The following AUTS2 variants were observed in gnomAD, a reference collection of about 807,000 sequenced individuals.
The protein encoded by AUTS2 is autism susceptibility gene 2 protein.
Under a neutral mutation model 112.4 loss-of-function variants are expected in AUTS2, and 17 were observed. That is an observed-to-expected ratio of 0.15 (90% confidence interval 0.10 to 0.23). The LOEUF (loss-of-function observed/expected upper bound fraction) is 0.23, where lower values mean the gene tolerates loss of function less well. Among genes scored for constraint, AUTS2 ranks in the 10% least tolerant of loss-of-function variants. The probability of loss-of-function intolerance (pLI) is 1.00; values close to 1 mark genes in which losing one functional copy is unlikely to be tolerated. For missense variants in AUTS2, 1,510 were observed against 1,701.6 expected, an observed-to-expected ratio of 0.89 and a Z score of 1.98; for synonymous variants, 751 against 702.7, an observed-to-expected ratio of 1.07 and a Z score of -1.09.
intron 2 of AUTS2, among the ~76,000 whole-genome samples, chr7:69,978,713 G>A (rs924924600): frequency 6.6e-6 from 1 of 151,962 alleles, no homozygotes; most frequent in African/African-American, 2.4e-5. Context: ...GGGTGTAGTG[G>A]TATGTGTCTA....
rs1018179610 is a variant in AUTS2, at chr7:70,107,665, A to T, written c.523-10467A>T. On this transcript the variant is annotated intron_variant, in intron 2 of 18. Transcript: ENST00000342771. Reference sequence around the variant, plus strand: ...CCTCACAATTAAGTTTATAACAGGGATATGTTATGAACTTAATATGCTTGG... The same window carrying T: ...CCTCACAATTAAGTTTATAACAGGGTTATGTTATGAACTTAATATGCTTGG... Among the ~76,000 whole-genome samples, 8 of 149,958 alleles carry T rather than the reference A, an allele frequency of 5.3e-5. No homozygotes were observed. The East Asian group carries it at 1.2e-3, about 23-fold the overall frequency.
intron 14 of AUTS2, 114 bp downstream of exon 14, chr7:70,777,288 TAGGA>T: frequency 2.1e-6 from 2 of 939,728 alleles, no homozygotes; most frequent in Non-Finnish European, 3.4e-6. Flanking sequence ...GACCCATAGT[TAGGA>T]AGGATCAAGC....
At chr7:70,770,133 T>C (rs558161255) in intron 10 of AUTS2, among the ~76,000 whole-genome samples, 73 of 152,340 alleles carry the variant, frequency 4.8e-4, no homozygotes, top group African/African-American at 1.7e-3. Flanking sequence ...CAGTCTCCCC[T>C]GCTTTGGGGA....
At chr7:70,533,871 G>A in intron 5 of AUTS2, among the ~76,000 whole-genome samples, 1 of 152,204 alleles carries the variant, frequency 6.6e-6, no homozygotes, top group East Asian at 1.9e-4. Flanking sequence ...GGAGTGGCAG[G>A]CAAGCTTGGC....
rs58530021 is a variant in AUTS2 at position 69,986,271 on chromosome 7, A to G, written c.522+86773A>G. Among the ~76,000 whole-genome samples, 1,123 of 152,356 alleles carry G rather than the reference A, an allele frequency of 7.4e-3. 13 individuals are homozygous for G. Among genetic ancestry groups the G allele is most frequent in the East Asian group, 0.052 (272 of 5,186 alleles). ...ATCCCCAGCACCTAGTGCTATGCCT[A>G]GCAGTGAGTAAGAACATTAATATTT... On this transcript the variant is annotated intron_variant, in intron 2 of 18. Coordinates refer to ENST00000342771, the MANE Select transcript of AUTS2 (RefSeq NM_015570.4).
intron 4 of AUTS2, among the ~76,000 whole-genome samples, chr7:70,207,629 G>A (rs1810635459): frequency 6.6e-6 from 1 of 152,138 alleles, no homozygotes; most frequent in African/African-American, 2.4e-5. Flanking sequence ...GGAAATATGA[G>A]TGGTCCATAC....
intron 1 of AUTS2, among the ~76,000 whole-genome samples, chr7:69,799,716 G>A (rs148428787): frequency 6.6e-6 from 1 of 152,080 alleles, no homozygotes. Flanking sequence ...GTGGTTTTTT[G>A]ATTTGTAAAT....
chr7:70,111,581 T>G (rs771692621), intron 2 of AUTS2, among the ~76,000 whole-genome samples: 1 of 152,212 alleles, frequency 6.6e-6, no homozygotes, highest in South Asian at 2.1e-4. Context: ...TGAAAAATCC[T>G]GTTAGAACTT....
intron 1 of AUTS2, among the ~76,000 whole-genome samples, chr7:69,891,886 T>A (rs539994098): frequency 7.1e-6 from 1 of 141,660 alleles, no homozygotes; most frequent in South Asian, 2.4e-4. Context: ...CTTTGCCCTC[T>A]GGGTTCAAGC....
intron 5 of AUTS2, among the ~76,000 whole-genome samples, chr7:70,447,647 T>C (rs1796370321): frequency 6.6e-6 from 1 of 152,130 alleles, no homozygotes; most frequent in East Asian, 1.9e-4. Flanking sequence ...AGCTGGACTC[T>C]CCCACATGCC....
chr7:70,009,605 C>A (rs773263137), intron 2 of AUTS2, among the ~76,000 whole-genome samples: 8 of 152,296 alleles, frequency 5.3e-5, no homozygotes, highest in Non-Finnish European at 1.2e-4. Flanking sequence ...CTAAGTGCAG[C>A]TACCAATGAC....
chr7:70,492,744 C>G (rs1178286862), intron 5 of AUTS2, among the ~76,000 whole-genome samples: 2 of 152,124 alleles, frequency 1.3e-5, no homozygotes, highest in African/African-American at 4.8e-5. Flanking sequence ...ACGTGACCCC[C>G]TCTTGGCAAG....
intron 3 of AUTS2, among the ~76,000 whole-genome samples, chr7:70,132,164 TAAAAAA>T (rs200482728): frequency 3.9e-5 from 4 of 102,596 alleles, no homozygotes; most frequent in Admixed American, 3.2e-4. Flanking sequence ...TCTTTTCCCT[TAAAAAA>T]AAAAAAAAAA....
chr7:69,686,940 G>T (rs962023223), intron 1 of AUTS2, among the ~76,000 whole-genome samples: 6 of 152,130 alleles, frequency 3.9e-5, no homozygotes, highest in Non-Finnish European at 8.8e-5. Flanking sequence ...TATCCCATAA[G>T]CTTTAAAAAT....
chr7:70,059,266 G>A (rs1802134549), intron 2 of AUTS2, among the ~76,000 whole-genome samples: 1 of 152,122 alleles, frequency 6.6e-6, no homozygotes, highest in South Asian at 2.1e-4. Context: ...TATATATGTA[G>A]CCTTTCAGAT....
chr7:69,805,738 C>T (rs1450393770), intron 1 of AUTS2, among the ~76,000 whole-genome samples: 1 of 152,124 alleles, frequency 6.6e-6, no homozygotes, highest in Non-Finnish European at 1.5e-5. Flanking sequence ...GGAAGCAGAA[C>T]CAACCTTTAT....
At chr7:70,321,631 A>G (rs1291997837) in intron 4 of AUTS2, among the ~76,000 whole-genome samples, 2 of 152,202 alleles carry the variant, frequency 1.3e-5, no homozygotes, top group African/African-American at 2.4e-5. Context: ...ATTTCTAACC[A>G]CAGTGACTAA....
intron 4 of AUTS2, among the ~76,000 whole-genome samples, chr7:70,325,797 G>A (rs1790459839): frequency 6.6e-6 from 1 of 152,142 alleles, no homozygotes; most frequent in Admixed American, 6.5e-5. Flanking sequence ...AAGGAGGCAG[G>A]AAAAGAGGGC....
intron 4 of AUTS2, among the ~76,000 whole-genome samples, chr7:70,159,303 T>A (rs374662343): frequency 1.3e-5 from 2 of 152,222 alleles, no homozygotes; most frequent in African/African-American, 4.8e-5. Context: ...AGATCACTAT[T>A]TGTGGGTGTC....
Sources: gnomAD v4.1 joint callset for allele counts (sites outside exome capture counted in the v4.1 genomes callset) on GRCh38, gnomAD v4.1.1 for gene constraint, MANE v1.5 for transcripts, NCBI Gene and HGNC (gene_info 2026-07-23, HGNC 2026-07-21) for gene names.